GTF2H1: variants seen among roughly 807,000 people sequenced by gnomAD.
GTF2H1 encodes the protein general transcription factor IIH subunit 1.
A neutral mutation model predicts 71.2 loss-of-function variants in GTF2H1; 16 were observed. That is an observed-to-expected ratio of 0.22 (90% CI 0.15 to 0.34). The LOEUF is 0.34. Ranked by LOEUF, GTF2H1 falls within the 10% of genes least tolerant of loss-of-function variation. The pLI, the probability that GTF2H1 is intolerant of heterozygous loss-of-function variation, is 1.00. For missense variants in GTF2H1, 498 were observed against 648.2 expected, an observed-to-expected ratio of 0.77 and a Z score of 2.52; for synonymous variants, 215 against 219.0, an observed-to-expected ratio of 0.98 and a Z score of 0.16.
intron 3 of GTF2H1, 112 bp downstream of exon 3, chr11:18,336,058 T>G: frequency 2.9e-6 from 2 of 685,966 alleles, no homozygotes; most frequent in South Asian, 2.4e-5. Flanking sequence ...GTTTTGGTTT[T>G]TTGTTGTTGT....
intron 9 of GTF2H1, among the ~76,000 whole-genome samples, chr11:18,351,046 T>A (rs1240983225): frequency 6.6e-6 from 1 of 152,182 alleles, no homozygotes; most frequent in Non-Finnish European, 1.5e-5. Flanking sequence ...TTAGAAGCAC[T>A]GATTGATAAT....
At chr11:18,352,031 C>T (rs892268787) in intron 10 of GTF2H1, 62 bp downstream of exon 10, 2 of 831,282 alleles carry the variant, frequency 2.4e-6, no homozygotes, top group Non-Finnish European at 4.2e-6. Context: ...ATATATCCTA[C>T]AAGTATAGCA....
At chr11:18,358,843 C>T (rs970548018) in intron 13 of GTF2H1, among the ~76,000 whole-genome samples, 11 of 152,126 alleles carry the variant, frequency 7.2e-5, no homozygotes, top group African/African-American at 2.7e-4. Flanking sequence ...GAGATCCAGA[C>T]GAGTTCCATA....
chr11:18,357,055 T>G (rs956296155), intron 11 of GTF2H1, among the ~76,000 whole-genome samples: 1 of 152,164 alleles, frequency 6.6e-6, no homozygotes, highest in Non-Finnish European at 1.5e-5. Flanking sequence ...CAATGTCCCC[T>G]TCACTCATGG....
intron 9 of GTF2H1, 121 bp from the exon 10 acceptor site, chr11:18,351,760 G>A: frequency 1.7e-6 from 1 of 584,602 alleles, no homozygotes; most frequent in Non-Finnish European, 3.1e-6. Flanking sequence ...TCTCTAGGAA[G>A]AGAAGCTCAT....
At chr11:18,362,412 T>C (rs1325602241) in intron 14 of GTF2H1, among the ~76,000 whole-genome samples, 1 of 152,212 alleles carries the variant, frequency 6.6e-6, no homozygotes, top group African/African-American at 2.4e-5. Flanking sequence ...ACTGTACACT[T>C]AGACTACATT....
chr11:18,349,373 G>A (rs545198301), intron 9 of GTF2H1, among the ~76,000 whole-genome samples: 27 of 152,254 alleles, frequency 1.8e-4, no homozygotes, highest in African/African-American at 6.3e-4. Context: ...TTGATTCTTG[G>A]TGGTGAACAA....
At chr11:18,345,241 G>A (rs1865262607) in intron 7 of GTF2H1, among the ~76,000 whole-genome samples, 1 of 151,982 alleles carries the variant, frequency 6.6e-6, no homozygotes. Flanking sequence ...AAAGTTGCGT[G>A]CTTCAGAGAG....
Position 18,329,222 on chromosome 11 carries a change from C to T in GTF2H1, c.-15-3838C>T, listed in dbSNP as rs568545492. Among the ~76,000 whole-genome samples, 11 of 152,308 alleles carry T rather than the reference C, an allele frequency of 7.2e-5. No homozygotes were observed. In the South Asian group the frequency reaches 1.2e-3, roughly 17 times the overall value. On this transcript the variant is annotated intron_variant, in intron 1 of 14. Transcript: ENST00000265963. ...TTTTAATTAAAAGCAGTCATCTAAT[C>T]GGGCTTTATTCCAGCGTTTGCAAAT...
At chr11:18,343,536 T>C (rs1865211987) in intron 7 of GTF2H1, among the ~76,000 whole-genome samples, 1 of 152,140 alleles carries the variant, frequency 6.6e-6, no homozygotes, top group Non-Finnish European at 1.5e-5. Context: ...GAATGCATTC[T>C]CTCTATTCCA....
chr11:18,361,792 T>C (rs1368049963), intron 14 of GTF2H1, among the ~76,000 whole-genome samples: 1 of 152,226 alleles, frequency 6.6e-6, no homozygotes, highest in Non-Finnish European at 1.5e-5. Context: ...CCACTACTCA[T>C]AGTAAGCAAA....
intron 11 of GTF2H1, among the ~76,000 whole-genome samples, chr11:18,353,941 C>T (rs1865483163): frequency 6.6e-6 from 1 of 152,210 alleles, no homozygotes; most frequent in South Asian, 2.1e-4. Flanking sequence ...TATCTTACTA[C>T]ATTTTCACCA....
At chr11:18,356,931 C>A (rs1326195801) in intron 11 of GTF2H1, among the ~76,000 whole-genome samples, 2 of 151,784 alleles carry the variant, frequency 1.3e-5, no homozygotes, top group African/African-American at 4.8e-5. Flanking sequence ...GCTAGGACTA[C>A]AGGCATGCAC....
chr11:18,358,248 A>G (rs1456323103), intron 12 of GTF2H1: 1 of 595,452 alleles, frequency 1.7e-6, no homozygotes, highest in Non-Finnish European at 3.0e-6. Context: ...AAATAGTGGT[A>G]CATTGCTAGT....
intron 14 of GTF2H1, among the ~76,000 whole-genome samples, chr11:18,361,217 T>C (rs1165923724): frequency 1.3e-5 from 2 of 152,244 alleles, no homozygotes; most frequent in African/African-American, 4.8e-5. Flanking sequence ...ACTGTCTGTT[T>C]ACTCACCAAT....
At chr11:18,344,986 G>A (rs1466194306) in intron 7 of GTF2H1, among the ~76,000 whole-genome samples, 3 of 150,974 alleles carry the variant, frequency 2.0e-5, no homozygotes, top group African/African-American at 4.9e-5. Flanking sequence ...TGGGAGGATC[G>A]TTTGAGTCCA....
intron 5 of GTF2H1, among the ~76,000 whole-genome samples, chr11:18,340,026 A>G (rs1865120432): frequency 6.6e-6 from 1 of 152,212 alleles, no homozygotes; most frequent in Non-Finnish European, 1.5e-5. Context: ...CCAGTGTGTC[A>G]GTCATTCTTC....
chr11:18,340,610 A>G (rs1323984439), intron 5 of GTF2H1, among the ~76,000 whole-genome samples: 1 of 152,146 alleles, frequency 6.6e-6, no homozygotes, highest in African/African-American at 2.4e-5. Context: ...TCTGATGGTA[A>G]CATAATTGTG....
intron 1 of GTF2H1, among the ~76,000 whole-genome samples, chr11:18,328,512 CAA>C (rs34390516): frequency 9.6e-5 from 9 of 94,166 alleles, no homozygotes; most frequent in Non-Finnish European, 1.1e-4. Flanking sequence ...GACTCCATCT[CAA>C]AAAAAAAAAA....
Sources: gnomAD v4.1 joint callset for allele counts (sites outside exome capture counted in the v4.1 genomes callset) on GRCh38, gnomAD v4.1.1 for gene constraint, MANE v1.5 for transcripts, NCBI Gene and HGNC (gene_info 2026-07-23, HGNC 2026-07-21) for gene names.